Variants in DGKI observed in about 807,000 individuals in gnomAD.
DGKI encodes diacylglycerol kinase iota.
DGKI carries 55 observed loss-of-function variants against 147.5 expected under a neutral mutation model. That is an observed-to-expected ratio of 0.37 (90% confidence interval 0.30 to 0.47). The LOEUF (loss-of-function observed/expected upper bound fraction) is 0.47, where lower values mean the gene tolerates loss of function less well. Ranked by LOEUF, DGKI falls within the 20% of genes least tolerant of loss-of-function variation. The pLI, the probability that DGKI is intolerant of heterozygous loss-of-function variation, is 1.00. For synonymous variants in DGKI, 469 were observed against 477.1 expected (o/e 0.98, Z 0.22); for missense variants, 1,007 against 1,323.8 (o/e 0.76, Z 3.71).
chr7:137,472,319 AT>A (rs368236321), intron 23 of DGKI, among the ~76,000 whole-genome samples: 3,240 of 5,978 alleles, frequency 0.54, 884 homozygotes, highest in Non-Finnish European at 0.58. Context: ...TATACATATA[AT>A]TATTATATGT....
chr7:137,802,746 G>A (rs570374722), intron 1 of DGKI, among the ~76,000 whole-genome samples: 19 of 152,114 alleles, frequency 1.2e-4, no homozygotes, highest in Non-Finnish European at 2.2e-4. Flanking sequence ...CTCTCTCCTC[G>A]AACTTCTTCC....
At chr7:137,678,707 A>G (rs929701014) in intron 2 of DGKI, 55 bp from the exon 3 acceptor site, 4 of 1,491,118 alleles carry the variant, frequency 2.7e-6, no homozygotes, top group Non-Finnish European at 3.7e-6. Flanking sequence ...GATAAGGAAA[A>G]CTATTTCAAA....
intron 20 of DGKI, among the ~76,000 whole-genome samples, chr7:137,523,276 A>C (rs1287735794): frequency 1.3e-5 from 2 of 152,026 alleles, no homozygotes; most frequent in South Asian, 2.1e-4. Flanking sequence ...AGAGGGAGTA[A>C]AAAAATAATC....
At chr7:137,500,593 G>T (rs576443349) in intron 21 of DGKI, among the ~76,000 whole-genome samples, 14 of 151,948 alleles carry the variant, frequency 9.2e-5, no homozygotes, top group African/African-American at 3.4e-4. Flanking sequence ...ATAAAACATA[G>T]ATTTCACCAC....
chr7:137,738,105 C>T (rs1303987578), intron 1 of DGKI, among the ~76,000 whole-genome samples: 1 of 152,022 alleles, frequency 6.6e-6, no homozygotes, highest in Non-Finnish European at 1.5e-5. Flanking sequence ...AATATATAGC[C>T]CTATAAAATA....
At chr7:137,634,621 GGA>G (rs1211928140) in intron 6 of DGKI, among the ~76,000 whole-genome samples, 9 of 152,076 alleles carry the variant, frequency 5.9e-5, no homozygotes, top group African/African-American at 2.2e-4. Context: ...GCAGTACCAG[GGA>G]TGCATGAGTA....
At chr7:137,613,984 G>A (rs1256273365) in intron 8 of DGKI, among the ~76,000 whole-genome samples, 2 of 152,162 alleles carry the variant, frequency 1.3e-5, no homozygotes, top group African/African-American at 4.8e-5. Flanking sequence ...CAGCGGAGAT[G>A]CTTATCATTT....
At chr7:137,498,169 T>A (rs895071717) in intron 21 of DGKI, among the ~76,000 whole-genome samples, 2 of 151,080 alleles carry the variant, frequency 1.3e-5, no homozygotes, top group Admixed American at 6.6e-5. Context: ...AAATAAAAAT[T>A]TGATAAAATA....
At chr7:137,565,859 G>C (rs1818565694) in intron 19 of DGKI, among the ~76,000 whole-genome samples, 1 of 152,154 alleles carries the variant, frequency 6.6e-6, no homozygotes. Context: ...ATCTTAATTA[G>C]CAGGAATGCA....
At chr7:137,810,898 T>C (rs1797545316) in intron 1 of DGKI, among the ~76,000 whole-genome samples, 1 of 152,162 alleles carries the variant, frequency 6.6e-6, no homozygotes, top group Admixed American at 6.5e-5. Context: ...CGCCAGAATA[T>C]TTGATGAAGC....
intron 1 of DGKI, among the ~76,000 whole-genome samples, chr7:137,804,655 G>T (rs937073139): frequency 1.3e-5 from 2 of 152,196 alleles, no homozygotes; most frequent in East Asian, 3.8e-4. Context: ...CACTCCTCTC[G>T]ATAACAAGCT....
At chr7:137,737,538 C>T (rs1369143621) in intron 1 of DGKI, among the ~76,000 whole-genome samples, 1 of 151,526 alleles carries the variant, frequency 6.6e-6, no homozygotes, top group Non-Finnish European at 1.5e-5. Context: ...TAAGTTTAAG[C>T]AGGTGACATG....
intron 5 of DGKI, 54 bp from the exon 6 acceptor site, chr7:137,645,591 G>GAGCAAGACCCTGTCTATA: frequency 6.6e-7 from 1 of 1,505,510 alleles, no homozygotes; most frequent in Non-Finnish European, 9.0e-7. Context: ...TCTATAGACA[G>GAGCAAGACCCTGTCTATA]GGTCTTGCTC....
intron 1 of DGKI, among the ~76,000 whole-genome samples, chr7:137,713,133 G>T (rs1030700302): frequency 7.2e-5 from 11 of 152,324 alleles, no homozygotes; most frequent in Non-Finnish European, 1.5e-5. Flanking sequence ...TGTCTCAGCT[G>T]TCTTTCCCAG....
chr7:137,711,475 G>A (rs929014658), intron 1 of DGKI, among the ~76,000 whole-genome samples: 2 of 152,166 alleles, frequency 1.3e-5, no homozygotes, highest in African/African-American at 4.8e-5. Context: ...AGAACACAGT[G>A]GTGACTAAAA....
chr7:137,604,269 T>C (rs932243202), intron 10 of DGKI, among the ~76,000 whole-genome samples: 1 of 152,194 alleles, frequency 6.6e-6, no homozygotes, highest in Admixed American at 6.5e-5. Flanking sequence ...GCCTGCACTT[T>C]TATCTAAACA....
At chr7:137,492,097 C>T (rs540323458) in intron 21 of DGKI, among the ~76,000 whole-genome samples, 5 of 152,258 alleles carry the variant, frequency 3.3e-5, no homozygotes, top group African/African-American at 9.6e-5. Flanking sequence ...TTCATCATTC[C>T]CAAGAAACAG....
intron 21 of DGKI, among the ~76,000 whole-genome samples, chr7:137,514,212 C>G (rs894062290): frequency 6.6e-6 from 1 of 152,074 alleles, no homozygotes; most frequent in Admixed American, 6.6e-5. Context: ...AATAAATCAC[C>G]TCTTCCGCGG....
At chr7:137,552,863 C>T (rs1206806306) in intron 19 of DGKI, among the ~76,000 whole-genome samples, 1 of 151,896 alleles carries the variant, frequency 6.6e-6, no homozygotes, top group African/African-American at 2.4e-5. Context: ...TGCAGTGAGC[C>T]GAGGTCAAGC....
Sources: gnomAD v4.1 joint callset for allele counts (sites outside exome capture counted in the v4.1 genomes callset) on GRCh38, gnomAD v4.1.1 for gene constraint, MANE v1.5 for transcripts, NCBI Gene and HGNC (gene_info 2026-07-23, HGNC 2026-07-21) for gene names.